The following PHLPP2 variants were observed in gnomAD, a reference collection of about 807,000 sequenced individuals.
PHLPP2 encodes PH domain leucine-rich repeat-containing protein phosphatase 2.
Under a neutral mutation model 124.9 loss-of-function variants are expected in PHLPP2, and 66 were observed. The ratio of observed to expected loss-of-function variants is 0.53; its 90% CI spans 0.43 to 0.65. The LOEUF is 0.65. Among genes scored for constraint, PHLPP2 ranks in the 30% least tolerant of loss-of-function variants. PHLPP2 has a pLI of 0.00. For synonymous variants in PHLPP2, 681 were observed against 624.7 expected (o/e 1.09, Z -1.34); for missense variants, 1,685 against 1,600.4 (o/e 1.05, Z -0.90).
In PHLPP2 at chr16:71,658,337, C is replaced by G. The variant is rs199619105; in HGVS notation, c.2175G>C (p.Leu725Phe). 3.1e-6 allele frequency: 5 copies of G among 1,613,694 alleles called. No individual in the cohort carries two copies. The highest frequency in any genetic ancestry group is 1.1e-5 in the South Asian group (1 of 91,046). ...IQFVDLSCND[L>F]TEILIPEALP... is the part of the protein sequence containing the mutation. ...AAGCCTCTGGAATCAGGATTTCTGT[C>G]AAGTCGTTGCAACTTAGGTCTACAA... Residue 725 changes from leucine to phenylalanine, a missense_variant, in exon 15 of 19, where the codon TTG becomes TTC. By Grantham distance (22) the Leu-to-Phe change is conservative (BLOSUM62 0). Transcript: ENST00000568954.
rs2145322022 is a variant in PHLPP2 at position 71,667,113 on chromosome 16, A to G, written c.1784+65T>C. On this transcript the variant is annotated intron_variant, in intron 12 of 18. Coordinates refer to ENST00000568954, the MANE Select transcript of PHLPP2 (RefSeq NM_015020.3). The stretch of plus-strand genomic sequence containing the variant: ...TACAGTTCCAAAGGTCACTCCAATG[A>G]TAAGTCACTGCAGTCTGTTTAGCCA... 5.9e-6 allele frequency: 8 copies of G among 1,345,166 alleles called. 1 individual carries two copies. In the South Asian group the frequency reaches 9.2e-5, roughly 15 times the overall value. 83.3% of individuals were successfully genotyped at this position (1,345,166 alleles called of 1,614,324 possible).
chr16:71,664,054 T>A lies in PHLPP2; in HGVS notation c.1830A>T (p.Pro610=), dbSNP rs151216423. The A allele has an allele frequency of 1.2e-6, 2 of 1,613,842 alleles. No homozygotes were observed. The highest frequency in any genetic ancestry group is 2.7e-5 in the African/African-American group (2 of 74,896). Residue 610 remains proline, a synonymous_variant, in exon 13 of 19, where the codon CCA becomes CCT. Coordinates refer to ENST00000568954, the MANE Select transcript of PHLPP2 (RefSeq NM_015020.3). The stretch of plus-strand genomic sequence containing the variant: ...AACTCTCCTCTCCAGTGCAGGCGGA[T>A]GGTAAAGACTCCAGACTATTTGCAG... ...NASANSLESL[P]SACTGEESLS...
chr16:71,702,869 A>G (rs910666175), intron 2 of PHLPP2, 138 bp from the exon 3 acceptor site: 1 of 546,522 alleles, frequency 1.8e-6, no homozygotes, highest in Admixed American at 3.1e-5. Flanking sequence ...CTTAGTAGTG[A>G]AGTCTGGGCT....
chr16:71,702,635 T>C lies in PHLPP2; in HGVS notation c.381A>G (p.Thr127=), dbSNP rs1399027316. ...DDPVRIQEEA[T]NPDLGCMIRF... ...GAATCATACAGCCGAGGTCAGGATTTGTAGCCTCCTCCTGTATGCGCACAG... is the reference window on the plus strand; with the variant it reads ...GAATCATACAGCCGAGGTCAGGATTCGTAGCCTCCTCCTGTATGCGCACAG... Residue 127 remains threonine (T), a synonymous_variant, in exon 3 of 19, where the codon ACA becomes ACG. Transcript: ENST00000568954. The C allele has an allele frequency of 2.8e-5, 45 of 1,611,180 alleles. No homozygotes were observed. Among genetic ancestry groups the C allele is most frequent in the Admixed American group, 5.0e-5 (3 of 60,002 alleles).
chr16:71,682,739 T>C (rs2045014619), intron 5 of PHLPP2, among the ~76,000 whole-genome samples: 2 of 152,198 alleles, frequency 1.3e-5, no homozygotes, highest in South Asian at 2.1e-4. Flanking sequence ...ACTAGTTTTA[T>C]AGCCAGATTT....
chr16:71,692,794 A>T (rs902351042), intron 3 of PHLPP2, among the ~76,000 whole-genome samples: 2 of 150,924 alleles, frequency 1.3e-5, no homozygotes, highest in Non-Finnish European at 2.9e-5. Flanking sequence ...AATGTTAAGT[A>T]AATAGTTGTT....
At chr16:71,723,751 G>T (rs777912972) in intron 1 of PHLPP2, 2 of 1,245,852 alleles carry the variant, frequency 1.6e-6, no homozygotes, top group South Asian at 1.5e-5. Context: ...TCGCTCGCTG[G>T]TCCATCCGCC....
rs56882820 is a variant in PHLPP2 at position 71,704,307 on chromosome 16, CA to C, written c.285-1577del. Among the ~76,000 whole-genome samples, 845 of 98,708 alleles carry C rather than the reference CA, an allele frequency of 8.6e-3. 12 individuals are homozygous for C. Among genetic ancestry groups the C allele is most frequent in the African/African-American group, 0.029 (713 of 24,238 alleles). 64.8% of individuals were successfully genotyped at this position (98,708 alleles called of 152,430 possible). ...CCTGGGCGACAGTGAGACTCTGTCT[CA>C]AAAAAAAAAAAAAAAAACTTAATAA... On this transcript the variant is annotated intron_variant, in intron 2 of 18. Transcript: ENST00000568954.
intron 4 of PHLPP2, 34 bp from the exon 5 acceptor site, chr16:71,684,635 T>C (rs746262067): frequency 3.1e-5 from 37 of 1,198,472 alleles, no homozygotes; most frequent in Non-Finnish European, 3.7e-5. Context: ...CCAGAACCAC[T>C]AAAAAAAAAA....
At chr16:71,705,017 C>A (rs974683549) in intron 2 of PHLPP2, among the ~76,000 whole-genome samples, 2 of 152,060 alleles carry the variant, frequency 1.3e-5, no homozygotes, top group African/African-American at 4.8e-5. Context: ...GGACTCAGAA[C>A]AATGAGAAGG....
chr16:71,678,040 G>A (rs750837599), intron 8 of PHLPP2: 2 of 152,092 alleles, frequency 1.3e-5, no homozygotes, highest in Non-Finnish European at 2.9e-5. Flanking sequence ...TCATAAAATG[G>A]TGGAGGGGTC....
Position 71,684,498 on chromosome 16 carries a change from C to T in PHLPP2, c.713G>A (p.Arg238Gln), listed in dbSNP as rs1248796507. 6 of 1,613,786 alleles carry T rather than the reference C, an allele frequency of 3.7e-6. No individual in the cohort carries two copies. Among genetic ancestry groups the T allele is most frequent in the Non-Finnish European group, 3.4e-6 (4 of 1,179,980 alleles). The change falls in exon 5 of 19, where the codon CGA becomes CAA. Residue 238 changes from arginine to glutamine, a missense_variant. Arg to Gln is a conservative substitution (Grantham distance 43). Coordinates refer to ENST00000568954, the MANE Select transcript of PHLPP2 (RefSeq NM_015020.3). ...CACCTTGGATGCTTGCCGTTGCCAT[C>T]GCTGGTACTCGGCCAAAGTCTCGAA... is the stretch of plus-strand genomic sequence containing the variant. The part of the protein sequence containing the change: ...VSFETLAEYQ[R>Q]WQRQASKVVS...
At chr16:71,714,906 GC>G (rs2045350697) in intron 1 of PHLPP2, 105 bp from the exon 2 acceptor site, 1 of 1,383,476 alleles carries the variant, frequency 7.2e-7, no homozygotes, top group Admixed American at 2.6e-5. Flanking sequence ...CCAACATTCT[GC>G]TCAAGTATCC....
chr16:71,719,892 G>C (rs1881441639), intron 1 of PHLPP2, among the ~76,000 whole-genome samples: 1 of 151,024 alleles, frequency 6.6e-6, no homozygotes, highest in African/African-American at 2.4e-5. Flanking sequence ...CCACCGCCCG[G>C]GTTCAAGCGA....
chr16:71,676,042 T>C (rs2044942026), intron 9 of PHLPP2, among the ~76,000 whole-genome samples: 1 of 152,060 alleles, frequency 6.6e-6, no homozygotes, highest in Non-Finnish European at 1.5e-5. Flanking sequence ...CTTTTGACTT[T>C]TTTTTTTACC....
chr16:71,656,484 G>C (rs2044742811), intron 16 of PHLPP2, 87 bp downstream of exon 16: 1 of 739,274 alleles, frequency 1.4e-6, no homozygotes, highest in Non-Finnish European at 2.4e-6. Flanking sequence ...AGAACAACAT[G>C]GCCTAGCTAT....
intron 1 of PHLPP2, among the ~76,000 whole-genome samples, chr16:71,718,078 A>C (rs1159601045): frequency 6.6e-6 from 1 of 151,966 alleles, no homozygotes; most frequent in Non-Finnish European, 1.5e-5. Context: ...TGTTTTTAAG[A>C]GATGGAGTCT....
rs144502881 is a variant in PHLPP2, at chr16:71,685,795, T to C, written c.610-1194A>G. 4.3e-3 allele frequency among the ~76,000 whole-genome samples: 652 copies of C among 152,334 alleles called. 8 individuals are homozygous for C. Among genetic ancestry groups the C allele is most frequent in the African/African-American group, 0.014 (588 of 41,576 alleles). On this transcript the variant is annotated intron_variant, in intron 4 of 18. Transcript: ENST00000568954. ...AATGTCAAATACTGAGACAGATCTG[T>C]AAATCTCTCACTGTAAGTTAATTTG...
In PHLPP2 at chr16:71,677,653, T is replaced by C. The variant is rs1242738832; in HGVS notation, c.1269-1004A>G. On this transcript the variant is annotated intron_variant, in intron 8 of 18. Coordinates refer to ENST00000568954, the MANE Select transcript of PHLPP2 (RefSeq NM_015020.3). ...TAAAAAAAAAAAAAAACTCTCTTACTGTCTTTACAAGCTACATCAATGGCT... is the reference window on the plus strand; with the variant it reads ...TAAAAAAAAAAAAAAACTCTCTTACCGTCTTTACAAGCTACATCAATGGCT... 6 of 151,336 alleles carry C rather than the reference T, an allele frequency of 4.0e-5. No homozygotes were observed. In the East Asian group the frequency reaches 1.2e-3, roughly 29 times the overall value. The allele number at this position is 151,336 out of a possible 1,614,324, so 9.4% of individuals were successfully genotyped here.
Sources: gnomAD v4.1 joint callset for allele counts (sites outside exome capture counted in the v4.1 genomes callset) on GRCh38, gnomAD v4.1.1 for gene constraint, MANE v1.5 for transcripts, NCBI Gene and HGNC (gene_info 2026-07-23, HGNC 2026-07-21) for gene names.